Variants in TTC7B observed in about 807,000 individuals in gnomAD.
TTC7B encodes the protein tetratricopeptide repeat domain 7B, also known as tetratricopeptide repeat protein 7B.
A neutral mutation model predicts 106.8 loss-of-function variants in TTC7B; 28 were observed. The observed-to-expected ratio is 0.26, with a 90% CI of 0.19 to 0.36. The LOEUF is 0.36. Ranked by LOEUF, TTC7B falls within the 10% of genes least tolerant of loss-of-function variation. TTC7B has a pLI of 1.00. For synonymous variants in TTC7B, 405 were observed against 430.6 expected (o/e 0.94, Z 0.74); for missense variants, 862 against 1,076.4 (o/e 0.80, Z 2.79).
At chr14:90,611,728 G>A (rs1055261573) in intron 16 of TTC7B, among the ~76,000 whole-genome samples, 2 of 152,112 alleles carry the variant, frequency 1.3e-5, no homozygotes, top group African/African-American at 2.4e-5. Flanking sequence ...AAAGCCACAC[G>A]GAAACCACAG....
intron 9 of TTC7B, 112 bp downstream of exon 9, chr14:90,676,411 A>G (rs1156591591): frequency 3.8e-6 from 5 of 1,304,700 alleles, no homozygotes; most frequent in Middle Eastern, 2.2e-4. Context: ...CCAAGATCAC[A>G]TGGCTGCCAC....
intron 3 of TTC7B, among the ~76,000 whole-genome samples, chr14:90,746,277 T>C (rs1889965202): frequency 6.6e-6 from 1 of 152,056 alleles, no homozygotes; most frequent in Non-Finnish European, 1.5e-5. Context: ...GTCATTCAGA[T>C]TGTCTCTTTC....
rs117322013 is a variant in TTC7B at position 90,741,734 on chromosome 14, A to G, written c.576+3058T>C. On this transcript the variant is annotated intron_variant, in intron 4 of 19. Transcript: ENST00000328459. Reference sequence around the variant, plus strand: ...CACACAACTATCTTGCCACATAAAAACCTGCAAACTTTCCACCAAGCCCAT... The same window carrying G: ...CACACAACTATCTTGCCACATAAAAGCCTGCAAACTTTCCACCAAGCCCAT... Among the ~76,000 whole-genome samples the G allele has an allele frequency of 4.8e-3, 727 of 152,280 alleles. 9 individuals are homozygous for G. The East Asian group carries it at 0.058, about 12-fold the overall frequency.
chr14:90,528,550 C>A lies in TTC7B; in HGVS notation c.*12818G>T, dbSNP rs1161726600. The stretch of plus-strand genomic sequence containing the variant: ...GGCATGACCCGACTGCACTTTGTTA[C>A]CTGTTTTGATGGTTGTTTCTGATGG... On this transcript the variant is annotated 3_prime_UTR_variant, in exon 20 of 20. Coordinates refer to ENST00000328459, the MANE Select transcript of TTC7B (RefSeq NM_001010854.2). The A allele has an allele frequency of 1.3e-5, 2 of 152,828 alleles. No individual in the cohort carries two copies. The highest frequency in any genetic ancestry group is 2.9e-5 in the Non-Finnish European group (2 of 68,572). The allele number at this position is 152,828 out of a possible 1,614,324, so 9.5% of individuals were successfully genotyped here. A position where few individuals can be genotyped will look rare whatever the true frequency, so the allele number is the denominator to read the frequency against.
In TTC7B at chr14:90,695,557, T is replaced by C; in HGVS notation, c.720A>G (p.Gly240=). ...CTGCTCTGAGAAGCTCTCTAAATCT[T>C]CCGACTCCTCTTGTCAAGTTCCTGT... is the stretch of plus-strand genomic sequence containing the variant. The part of the protein sequence containing the change: ...FKNGNLTRGV[G]RFRELLRAVE... The change falls in exon 6 of 20, where the codon GGA becomes GGG. Residue 240 remains glycine (G), a synonymous_variant. Coordinates refer to ENST00000328459, the MANE Select transcript of TTC7B (RefSeq NM_001010854.2). 1 of 1,598,520 alleles carries C rather than the reference T, an allele frequency of 6.3e-7. No homozygotes were observed. The highest frequency in any genetic ancestry group is 8.5e-7 in the Non-Finnish European group (1 of 1,173,414).
intron 19 of TTC7B, 91 bp from the exon 20 acceptor site, chr14:90,541,680 TCG>T (rs1000542315): frequency 1.9e-6 from 2 of 1,057,488 alleles, no homozygotes; most frequent in Non-Finnish European, 2.6e-6. Context: ...AGTCAGTTCC[TCG>T]GAGCCGGGAA....
intron 5 of TTC7B, among the ~76,000 whole-genome samples, chr14:90,727,182 C>T (rs1412931981): frequency 6.6e-6 from 1 of 152,140 alleles, no homozygotes; most frequent in Non-Finnish European, 1.5e-5. Flanking sequence ...TAGGAGAAAT[C>T]ACCCAACCAA....
chr14:90,671,846 C>A (rs189704418), intron 9 of TTC7B, among the ~76,000 whole-genome samples: 1 of 152,146 alleles, frequency 6.6e-6, no homozygotes, highest in African/African-American at 2.4e-5. Flanking sequence ...CAGAGGCGGC[C>A]GGTCTTGAGA....
chr14:90,721,035 G>A (rs1888875173), intron 5 of TTC7B, among the ~76,000 whole-genome samples: 1 of 152,110 alleles, frequency 6.6e-6, no homozygotes, highest in Non-Finnish European at 1.5e-5. Context: ...ATCTGTCAAG[G>A]AATTCCAGTT....
intron 19 of TTC7B, among the ~76,000 whole-genome samples, chr14:90,563,806 T>G (rs894135627): frequency 2.1e-4 from 32 of 152,210 alleles, no homozygotes; most frequent in African/African-American, 6.5e-4. Flanking sequence ...CAGGAGTAGA[T>G]TCCATCTCAC....
chr14:90,779,523 T>G (rs915587456), intron 3 of TTC7B, among the ~76,000 whole-genome samples: 4 of 152,194 alleles, frequency 2.6e-5, no homozygotes, highest in Non-Finnish European at 5.9e-5. Flanking sequence ...CAGGCTGGTC[T>G]CGAACTCCTG....
chr14:90,703,838 G>A (rs1483095050), intron 5 of TTC7B, among the ~76,000 whole-genome samples: 3 of 152,248 alleles, frequency 2.0e-5, no homozygotes, highest in African/African-American at 7.2e-5. Flanking sequence ...AGGCAGCACA[G>A]TGCCGATGGG....
In TTC7B at chr14:90,541,539, G is replaced by T. The variant is rs757031609; in HGVS notation, c.2361C>A (p.Leu787=). 1 of 1,612,386 alleles carries T rather than the reference G, an allele frequency of 6.2e-7. No homozygotes were observed. Among genetic ancestry groups the T allele is most frequent in the Admixed American group, 1.7e-5 (1 of 59,976 alleles). Residue 787 remains leucine (L), a synonymous_variant, in exon 20 of 20, where the codon CTC becomes CTA. Coordinates refer to ENST00000328459, the MANE Select transcript of TTC7B (RefSeq NM_001010854.2). ...TCGAGTTCACCTGCACCGCGTCCCGGAGGATCTTCTCCGCCAGACTGTAGC... is the reference window on the plus strand; with the variant it reads ...TCGAGTTCACCTGCACCGCGTCCCGTAGGATCTTCTCCGCCAGACTGTAGC... ...LGRYSLAEKI[L]RDAVQVNSTA...
chr14:90,607,640 T>C (rs1041376409), intron 17 of TTC7B, among the ~76,000 whole-genome samples: 1 of 152,188 alleles, frequency 6.6e-6, no homozygotes, highest in Non-Finnish European at 1.5e-5. Flanking sequence ...CTGAAAACTG[T>C]TCAAAGGCAA....
At chr14:90,584,597 A>G (rs1261455976) in intron 18 of TTC7B, among the ~76,000 whole-genome samples, 1 of 152,116 alleles carries the variant, frequency 6.6e-6, no homozygotes, top group Non-Finnish European at 1.5e-5. Context: ...TCGGAAACGC[A>G]CACAAAGGAG....
In TTC7B at chr14:90,730,125, A is replaced by G; in HGVS notation, c.648T>C (p.Phe216=). 6.2e-7 allele frequency: 1 copy of G among 1,613,922 alleles called. No individual in the cohort carries two copies. Among genetic ancestry groups the G allele is most frequent in the Non-Finnish European group, 8.5e-7 (1 of 1,179,940 alleles). ...GPAPHDQELG[F]FLETGLQRAH... is the part of the protein sequence containing the mutation. ...CTCTCTGAAGTCCTGTTTCTAGGAA[A>G]AAACCTAGTTCTTGATCGTGGGGAG... The change falls in exon 5 of 20, where the codon TTT becomes TTC. Residue 216 remains phenylalanine, a synonymous_variant. Transcript: ENST00000328459.
intron 5 of TTC7B, among the ~76,000 whole-genome samples, chr14:90,717,208 G>A (rs1361321587): frequency 2.6e-5 from 4 of 151,878 alleles, no homozygotes; most frequent in African/African-American, 7.3e-5. Context: ...GCATGGTGGC[G>A]GGCGCCTGTA....
At chr14:90,547,710 T>A (rs1440971770) in intron 19 of TTC7B, among the ~76,000 whole-genome samples, 2 of 152,128 alleles carry the variant, frequency 1.3e-5, no homozygotes, top group South Asian at 4.2e-4. Flanking sequence ...GGTGGGAGGA[T>A]TGCTTGAGCC....
chr14:90,681,173 TAA>T (rs1887033819), intron 7 of TTC7B, among the ~76,000 whole-genome samples: 1 of 152,194 alleles, frequency 6.6e-6, no homozygotes, highest in Non-Finnish European at 1.5e-5. Context: ...TAGAGAATAA[TAA>T]AAAGTCAGCA....
Sources: gnomAD v4.1 joint callset for allele counts (sites outside exome capture counted in the v4.1 genomes callset) on GRCh38, gnomAD v4.1.1 for gene constraint, MANE v1.5 for transcripts, NCBI Gene and HGNC (gene_info 2026-07-23, HGNC 2026-07-21) for gene names.